The following MET variants were observed in gnomAD, a reference collection of about 807,000 sequenced individuals.
The protein encoded by MET is MET proto-oncogene, receptor tyrosine kinase, also known as hepatocyte growth factor receptor.
A neutral mutation model predicts 133.1 loss-of-function variants in MET; 48 were observed. The ratio of observed to expected loss-of-function variants is 0.36; its 90% CI spans 0.29 to 0.46. The LOEUF is 0.46. Ranked by LOEUF, MET falls within the 20% of genes least tolerant of loss-of-function variation. The pLI, the probability that MET is intolerant of heterozygous loss-of-function variation, is 1.00. For missense variants in MET, 1,442 were observed against 1,695.9 expected, an observed-to-expected ratio of 0.85 and a Z score of 2.63; for synonymous variants, 628 against 616.5, an observed-to-expected ratio of 1.02 and a Z score of -0.28.
At chr7:116,682,247 A>G (rs1796388835) in intron 1 of MET, among the ~76,000 whole-genome samples, 1 of 152,222 alleles carries the variant, frequency 6.6e-6, no homozygotes, top group Non-Finnish European at 1.5e-5. Flanking sequence ...TAAGTTGATT[A>G]ATTACTTTCC....
In MET at chr7:116,796,807, C is replaced by G. The variant is rs987144308; in HGVS notation, c.*683C>G. On this transcript the variant is annotated 3_prime_UTR_variant, in exon 21 of 21. Transcript: ENST00000397752. ...CTAATTTTTGTATTTTTTGTAGAGA[C>G]GGGGTTTTGCCATGTTGCCAAGGCT... 5.5e-6 allele frequency: 1 copy of G among 182,482 alleles called. No individual in the cohort carries two copies. Among genetic ancestry groups the G allele is most frequent in the African/African-American group, 2.4e-5 (1 of 42,362 alleles). The allele number at this position is 182,482 out of a possible 1,614,324, so 11.3% of individuals were successfully genotyped here.
chr7:116,682,686 C>T (rs1375021820), intron 1 of MET, among the ~76,000 whole-genome samples: 1 of 152,180 alleles, frequency 6.6e-6, no homozygotes, highest in Non-Finnish European at 1.5e-5. Flanking sequence ...CTGGAGTGAA[C>T]TTTCATTCTT....
At chr7:116,679,545 G>T (rs1268543138) in intron 1 of MET, among the ~76,000 whole-genome samples, 3 of 152,150 alleles carry the variant, frequency 2.0e-5, no homozygotes, top group Non-Finnish European at 4.4e-5. Context: ...CATGCTTACT[G>T]ATTGAAAGCT....
At position 116,787,518 on chromosome 7, in the gene MET, C is replaced by T. The variant is rs554833287; in HGVS notation, c.3798+4049C>T. ...TGTCATAACATGGTGGAAGGCATCA[C>T]ATGGGTGTGAGAGAGTGCAAGAGAG... On this transcript the variant is annotated intron_variant, in intron 19 of 20. Coordinates refer to ENST00000397752, the MANE Select transcript of MET (RefSeq NM_000245.4). Among the ~76,000 whole-genome samples the T allele has an allele frequency of 9.2e-5, 14 of 152,322 alleles. No individual in the cohort carries two copies. In the South Asian group the frequency reaches 2.9e-3, roughly 32 times the overall value.
chr7:116,782,202 G>T, intron 18 of MET, 105 bp downstream of exon 18: 1 of 813,704 alleles, frequency 1.2e-6, no homozygotes, highest in Non-Finnish European at 2.1e-6. Flanking sequence ...TTATGCAAAA[G>T]TCCTTTATTT....
chr7:116,702,924 G>C (rs767816035), intron 2 of MET, among the ~76,000 whole-genome samples: 37 of 152,026 alleles, frequency 2.4e-4, no homozygotes, highest in Non-Finnish European at 4.0e-4. Flanking sequence ...GGTCCAGCAG[G>C]TGTACCAGGC....
At chr7:116,741,521 T>A (rs1200749425) in intron 5 of MET, among the ~76,000 whole-genome samples, 2 of 152,192 alleles carry the variant, frequency 1.3e-5, no homozygotes, top group African/African-American at 2.4e-5. Context: ...TGCAAACTGG[T>A]GATCCCTGCC....
Position 116,718,693 on chromosome 7 carries a change from T to C in MET, c.1201-12975T>C, listed in dbSNP as rs966888472. The stretch of plus-strand genomic sequence containing the variant: ...GAGTGTGATATTCCCCTTCCTGTGT[T>C]CATGTGATCTCATTGTTCAATTCCC... On this transcript the variant is annotated intron_variant, in intron 2 of 20. Coordinates refer to ENST00000397752, the MANE Select transcript of MET (RefSeq NM_000245.4). Among the ~76,000 whole-genome samples, 6 of 140,798 alleles carry C rather than the reference T, an allele frequency of 4.3e-5. No individual in the cohort carries two copies. The East Asian group carries it at 9.4e-4, about 22-fold the overall frequency. The allele number at this position is 140,798 out of a possible 152,430, so 92.4% of individuals were successfully genotyped here.
At chr7:116,694,501 T>C (rs1796889474) in intron 1 of MET, among the ~76,000 whole-genome samples, 1 of 152,184 alleles carries the variant, frequency 6.6e-6, no homozygotes, top group South Asian at 2.1e-4. Context: ...ATAGAAAATA[T>C]ATTCTTCTTC....
intron 2 of MET, among the ~76,000 whole-genome samples, chr7:116,721,939 T>C (rs1480205274): frequency 1.3e-5 from 2 of 151,774 alleles, no homozygotes; most frequent in Non-Finnish European, 2.9e-5. Flanking sequence ...TGTGGTGTGG[T>C]GCTGAAAAAA....
intron 2 of MET, among the ~76,000 whole-genome samples, chr7:116,730,496 G>A (rs1792961270): frequency 6.6e-6 from 1 of 152,194 alleles, no homozygotes; most frequent in African/African-American, 2.4e-5. Flanking sequence ...CAGATCACCT[G>A]GCAAGGGTAA....
In MET at chr7:116,795,876, T is replaced by G. The variant is rs1411774859; in HGVS notation, c.3936-11T>G. 1 of 1,614,000 alleles carries G rather than the reference T, an allele frequency of 6.2e-7. No individual in the cohort carries two copies. The highest frequency in any genetic ancestry group is 1.3e-5 in the African/African-American group (1 of 74,938). On this transcript the variant is annotated splice_polypyrimidine_tract_variant and intron_variant, in intron 20 of 20. Transcript: ENST00000397752. Reference sequence around the variant, plus strand: ...AGGGTCTCTTACAGCATGTCTTTCTTTTTGGAACAGATATGAAGTAATGCT... The same window carrying G: ...AGGGTCTCTTACAGCATGTCTTTCTGTTTGGAACAGATATGAAGTAATGCT...
At chr7:116,761,612 C>T (rs1584945626) in intron 10 of MET, among the ~76,000 whole-genome samples, 1 of 152,088 alleles carries the variant, frequency 6.6e-6, no homozygotes, top group Non-Finnish European at 1.5e-5. Context: ...AAATTGTTAA[C>T]ATGTGCATTA....
intron 17 of MET, among the ~76,000 whole-genome samples, chr7:116,780,792 G>C (rs1795133359): frequency 6.6e-6 from 1 of 152,194 alleles, no homozygotes; most frequent in South Asian, 2.1e-4. Context: ...AGTGACTGTT[G>C]AAGGGGAATA....
At chr7:116,688,116 G>A (rs1425417534) in intron 1 of MET, among the ~76,000 whole-genome samples, 2 of 152,174 alleles carry the variant, frequency 1.3e-5, no homozygotes, top group Non-Finnish European at 2.9e-5. Flanking sequence ...CGTGAGTAAT[G>A]TACCAGCTTC....
At chr7:116,740,577 GT>G in intron 4 of MET, among the ~76,000 whole-genome samples, 1 of 152,284 alleles carries the variant, frequency 6.6e-6, no homozygotes, top group South Asian at 2.1e-4. Context: ...AGGGCACAAT[GT>G]CCCTACTATG....
chr7:116,773,450 C>T (rs1026881332), intron 14 of MET, among the ~76,000 whole-genome samples: 1 of 152,198 alleles, frequency 6.6e-6, no homozygotes, highest in Non-Finnish European at 1.5e-5. Flanking sequence ...TTATCCATGT[C>T]TCACCAAGGA....
intron 19 of MET, among the ~76,000 whole-genome samples, chr7:116,790,724 T>G (rs1795462879): frequency 1.3e-5 from 2 of 152,190 alleles, no homozygotes; most frequent in Admixed American, 1.3e-4. Context: ...CTCTTTTTAT[T>G]TTTGAGTAGT....
At chr7:116,739,354 A>T (rs1793355992) in intron 3 of MET, among the ~76,000 whole-genome samples, 1 of 152,228 alleles carries the variant, frequency 6.6e-6, no homozygotes, top group Admixed American at 6.5e-5. Flanking sequence ...CAAGAAGCAG[A>T]GTTTTATAAT....
Sources: gnomAD v4.1 joint callset for allele counts (sites outside exome capture counted in the v4.1 genomes callset) on GRCh38, gnomAD v4.1.1 for gene constraint, MANE v1.5 for transcripts, NCBI Gene and HGNC (gene_info 2026-07-23, HGNC 2026-07-21) for gene names.